MSR1: variants seen among roughly 807,000 people sequenced by gnomAD.
MSR1 encodes macrophage scavenger receptor 1.
In MSR1, 53 loss-of-function variants were observed where a neutral mutation model predicts 47.2. That is an observed-to-expected ratio of 1.12 (90% CI 0.90 to 1.41). The LOEUF is 1.41. Among genes scored for constraint, MSR1 ranks in the 40% most tolerant of loss-of-function variants. The pLI, the probability that MSR1 is intolerant of heterozygous loss-of-function variation, is 0.00. For synonymous variants in MSR1, 239 were observed against 185.6 expected, an observed-to-expected ratio of 1.29 and a Z score of -2.34; for missense variants, 786 against 546.9, an observed-to-expected ratio of 1.44 and a Z score of -4.36.
chr8:16,143,214 A>G (rs1800606933), intron 8 of MSR1, among the ~76,000 whole-genome samples: 1 of 152,134 alleles, frequency 6.6e-6, no homozygotes, highest in Non-Finnish European at 1.5e-5. Flanking sequence ...TTCATTTAGT[A>G]AGGAAGGAGG....
intron 5 of MSR1, among the ~76,000 whole-genome samples, chr8:16,158,296 A>C (rs1433477550): frequency 6.6e-6 from 1 of 152,044 alleles, no homozygotes; most frequent in Non-Finnish European, 1.5e-5. Flanking sequence ...TCTACTATGT[A>C]GCTTCCTCCA....
intron 7 of MSR1, among the ~76,000 whole-genome samples, chr8:16,145,724 CAAAT>C (rs1347512552): frequency 2.0e-5 from 3 of 152,024 alleles, no homozygotes; most frequent in Admixed American, 6.6e-5. Context: ...AAAAAACAAA[CAAAT>C]GTTTTGTATC....
At chr8:16,120,382 A>G (rs750355638) in intron 9 of MSR1, 36 bp downstream of exon 9, 1 of 1,610,102 alleles carries the variant, frequency 6.2e-7, no homozygotes, top group Non-Finnish European at 8.5e-7. Context: ...GTCTGAAACA[A>G]CAACAACAAA....
rs1563160312 is a variant in MSR1 at position 16,164,100 on chromosome 8, T to C, written c.782A>G (p.His261Arg). The part of the protein sequence containing the change: ...TNDLRLKDWE[H>R]SQTLRNITLI... ...AGTGATATTTCTCAAGGTCTGAGAA[T>C]GTTCCCAATCTTTCAGTCTGAGATC... The change falls in exon 5 of 10, where the codon CAT (histidine) becomes CGT (arginine). Residue 261 changes from histidine to arginine, a missense_variant. Coordinates refer to ENST00000262101, the MANE Select transcript of MSR1 (RefSeq NM_138715.3). The C allele has an allele frequency of 6.2e-7, 1 of 1,611,020 alleles. No individual in the cohort carries two copies. Among genetic ancestry groups the C allele is most frequent in the Non-Finnish European group, 8.5e-7 (1 of 1,178,026 alleles).
chr8:16,186,717 G>C (rs1335234602), intron 1 of MSR1, among the ~76,000 whole-genome samples: 1 of 150,314 alleles, frequency 6.7e-6, no homozygotes, highest in Admixed American at 6.7e-5. Flanking sequence ...CTGCAACCTT[G>C]ACCTCCTGGG....
At chr8:16,175,368 T>A in intron 2 of MSR1, 68 bp from the exon 3 acceptor site, 1 of 1,253,694 alleles carries the variant, frequency 8.0e-7, no homozygotes, top group Non-Finnish European at 1.2e-6. Flanking sequence ...AAAATTGTTT[T>A]AATCTCCAAT....
intron 9 of MSR1, among the ~76,000 whole-genome samples, chr8:16,120,072 A>T (rs895708330): frequency 1.3e-5 from 2 of 151,462 alleles, no homozygotes; most frequent in African/African-American, 2.4e-5. Flanking sequence ...CCTACATTTC[A>T]TTTTTTTAAA....
In MSR1 at chr8:16,120,599, A is replaced by T; in HGVS notation, c.1041T>A (p.Phe347Leu). The stretch of plus-strand genomic sequence containing the variant: ...TCCCACCGACCAGTCGAACTTTCGT[A>T]AATGGAGCTGTAAAGTTAAAAAAAA... ...EKGSGNTLTP[F>L]TKVRLVGGSG... The change falls in exon 9 of 10, where the codon TTT becomes TTA. Residue 347 changes from phenylalanine (F) to leucine (L), a missense_variant. Phe to Leu is a conservative substitution (Grantham distance 22). Coordinates refer to ENST00000262101, the MANE Select transcript of MSR1 (RefSeq NM_138715.3). The T allele has an allele frequency of 6.3e-7, 1 of 1,592,088 alleles. No homozygotes were observed.
chr8:16,132,068 T>G (rs1056221865), intron 8 of MSR1, among the ~76,000 whole-genome samples: 2 of 152,050 alleles, frequency 1.3e-5, no homozygotes, highest in Non-Finnish European at 2.9e-5. Flanking sequence ...AATGTATAAA[T>G]TGCTTTGGGT....
rs1801400993 is a variant in MSR1 at position 16,168,868 on chromosome 8, G to C, written c.220C>G (p.Gln74Glu). 10 of 1,612,022 alleles carry C rather than the reference G, an allele frequency of 6.2e-6. No homozygotes were observed. Among genetic ancestry groups the C allele is most frequent in the Middle Eastern group, 1.7e-4 (1 of 6,058 alleles). Reference protein sequence around the residue: ...LIPLIGIVAAQLLKWETKNCS... With the variant: ...LIPLIGIVAAELLKWETKNCS... ...TTCTTCGTTTCCCACTTCAGGAGTT[G>C]AGCTGTATATTTAAGTAAAAATAAA... Residue 74 changes from glutamine to glutamate, a missense_variant and splice_region_variant, in exon 4 of 10, where the codon CAA becomes GAA. Physicochemically the swap from Gln to Glu is conservative, Grantham distance 29. Transcript: ENST00000262101.
At chr8:16,139,236 C>G in intron 8 of MSR1, 1 of 981,280 alleles carries the variant, frequency 1.0e-6, no homozygotes, top group Non-Finnish European at 1.2e-6. Flanking sequence ...CACTCCTATT[C>G]TGATTACAGA....
At chr8:16,122,680 G>A (rs1202616769) in intron 8 of MSR1, among the ~76,000 whole-genome samples, 2 of 151,984 alleles carry the variant, frequency 1.3e-5, no homozygotes, top group Admixed American at 6.6e-5. Flanking sequence ...GATGATTGCA[G>A]TATATATTTA....
intron 9 of MSR1, among the ~76,000 whole-genome samples, chr8:16,111,389 C>T (rs899686775): frequency 7.2e-5 from 11 of 152,016 alleles, no homozygotes; most frequent in African/African-American, 1.2e-4. Context: ...TTGGAGAGTG[C>T]GAGAATGGCT....
rs375623672 is a variant in MSR1, at chr8:16,159,526, A to T, written c.818-4382T>A. ...ATTAATATAAGGGAAAAGAGAACACAAAGTAATTACACTAACTCTGCAATC... is the reference window on the plus strand; with the variant it reads ...ATTAATATAAGGGAAAAGAGAACACTAAGTAATTACACTAACTCTGCAATC... On this transcript the variant is annotated intron_variant, in intron 5 of 9. Coordinates refer to ENST00000262101, the MANE Select transcript of MSR1 (RefSeq NM_138715.3). 3.9e-5 allele frequency among the ~76,000 whole-genome samples: 6 copies of T among 152,114 alleles called. No homozygotes were observed. The South Asian group carries it at 1.2e-3, about 32-fold the overall frequency.
rs912170408 is a variant in MSR1, at chr8:16,110,227, A to G, written c.1223-9T>C. ...CCATATTGGACCAGTACCTGCAATA[A>G]TGAGGTATAACTGCATTAGTAAGTT... is the stretch of plus-strand genomic sequence containing the variant. On this transcript the variant is annotated splice_polypyrimidine_tract_variant and intron_variant, in intron 9 of 9. Coordinates refer to ENST00000262101, the MANE Select transcript of MSR1 (RefSeq NM_138715.3). The G allele has an allele frequency of 2.5e-6, 4 of 1,613,054 alleles. No individual in the cohort carries two copies. In the African/African-American group the frequency reaches 4.0e-5, roughly 16 times the overall value.
At chr8:16,117,863 A>C (rs1455417682) in intron 9 of MSR1, among the ~76,000 whole-genome samples, 3 of 152,122 alleles carry the variant, frequency 2.0e-5, no homozygotes, top group Admixed American at 1.3e-4. Flanking sequence ...TAAGTTGTAT[A>C]ATCATTTCAT....
At chr8:16,122,375 T>C (rs1800024964) in intron 8 of MSR1, among the ~76,000 whole-genome samples, 1 of 152,170 alleles carries the variant, frequency 6.6e-6, no homozygotes, top group Non-Finnish European at 1.5e-5. Flanking sequence ...TCCAAATGTT[T>C]ATTTTTATAC....
At chr8:16,165,557 G>A (rs1253036971) in intron 4 of MSR1, among the ~76,000 whole-genome samples, 1 of 151,710 alleles carries the variant, frequency 6.6e-6, no homozygotes, top group Non-Finnish European at 1.5e-5. Flanking sequence ...TGTCTTCATT[G>A]TATGCTTTAT....
chr8:16,119,611 G>A (rs940553428), intron 9 of MSR1, among the ~76,000 whole-genome samples: 2 of 152,106 alleles, frequency 1.3e-5, no homozygotes, highest in African/African-American at 4.8e-5. Flanking sequence ...AACACAATGC[G>A]TGGCATATAG....
Sources: gnomAD v4.1 joint callset for allele counts (sites outside exome capture counted in the v4.1 genomes callset) on GRCh38, gnomAD v4.1.1 for gene constraint, MANE v1.5 for transcripts, NCBI Gene and HGNC (gene_info 2026-07-23, HGNC 2026-07-21) for gene names.